The following MKLN1 variants were observed in gnomAD, a reference collection of about 807,000 sequenced individuals.
MKLN1 encodes muskelin.
In MKLN1, 18 loss-of-function variants were observed where a neutral mutation model predicts 99.0. The ratio of observed to expected loss-of-function variants is 0.18; its 90% confidence interval spans 0.13 to 0.27. The LOEUF is 0.27. Ranked by LOEUF, MKLN1 falls within the 10% of genes least tolerant of loss-of-function variation. The pLI is 1.00. For missense variants in MKLN1, 621 were observed against 875.9 expected (o/e 0.71, Z 3.67); for synonymous variants, 288 against 293.2 (o/e 0.98, Z 0.18).
chr7:131,128,194 C>T (rs569137283), intron 1 of MKLN1, among the ~76,000 whole-genome samples: 10 of 145,020 alleles, frequency 6.9e-5, no homozygotes, highest in East Asian at 4.0e-4. Flanking sequence ...ACCGAAGTAT[C>T]GCCTCTGATT....
At chr7:131,283,432 C>CTT (rs755106012) in intron 3 of MKLN1, among the ~76,000 whole-genome samples, 3 of 123,210 alleles carry the variant, frequency 2.4e-5, no homozygotes, top group Non-Finnish European at 3.5e-5. Context: ...TCTTTCTTCT[C>CTT]TTTTTTTTTT....
intron 1 of MKLN1, among the ~76,000 whole-genome samples, chr7:131,331,165 T>C (rs968167434): frequency 6.6e-5 from 10 of 152,194 alleles, no homozygotes; most frequent in Non-Finnish European, 5.9e-5. Flanking sequence ...TCTTGGTACA[T>C]ACCTGTAAGA....
Position 131,252,198 on chromosome 7 carries a change from A to G in MKLN1, c.-179+49224A>G, listed in dbSNP as rs144507746. On this transcript the variant is annotated intron_variant, in intron 3 of 7. Transcript: ENST00000416992. ...GCCCGGACAGATACCTCACAGATGC[A>G]TGGTGTCCACCACGAAGAACAGTAG... Among the ~76,000 whole-genome samples the G allele has an allele frequency of 1.4e-4, 21 of 152,308 alleles. 1 individual carries two copies. Among genetic ancestry groups the G allele is most frequent in the African/African-American group, 5.1e-4 (21 of 41,568 alleles).
At chr7:131,285,957 C>CCTTTTTTT (rs397950661) in intron 3 of MKLN1, among the ~76,000 whole-genome samples, 3 of 117,770 alleles carry the variant, frequency 2.5e-5, no homozygotes, top group African/African-American at 3.1e-5. Context: ...CATCTATGGA[C>CCTTTTTTT]TTTTTTTTTT....
chr7:131,205,312 T>A (rs1027699559), intron 3 of MKLN1, among the ~76,000 whole-genome samples: 1 of 152,174 alleles, frequency 6.6e-6, no homozygotes. Context: ...ATCACAACAT[T>A]GGGAAATAAT....
intron 16 of MKLN1, among the ~76,000 whole-genome samples, chr7:131,473,132 T>C (rs897050098): frequency 6.6e-6 from 1 of 152,098 alleles, no homozygotes; most frequent in African/African-American, 2.4e-5. Flanking sequence ...TATCCAACAG[T>C]CTGTTTGGGG....
chr7:131,450,343 A>C (rs1212249126), intron 12 of MKLN1, among the ~76,000 whole-genome samples: 3 of 152,248 alleles, frequency 2.0e-5, no homozygotes, highest in African/African-American at 7.2e-5. Flanking sequence ...CCCTATCTTC[A>C]TGGAGTTATG....
intron 16 of MKLN1, 27 bp from the exon 17 acceptor site, chr7:131,478,596 T>A: frequency 2.5e-6 from 1 of 396,004 alleles, no homozygotes; most frequent in East Asian, 7.5e-5. Context: ...TTGCTGCTTC[T>A]TTTTTTTTTT....
intron 8 of MKLN1, among the ~76,000 whole-genome samples, chr7:131,417,268 T>C (rs1479063704): frequency 6.6e-6 from 1 of 152,188 alleles, no homozygotes; most frequent in Non-Finnish European, 1.5e-5. Context: ...TTTAAGCAAA[T>C]ATTTCTACCA....
chr7:131,243,015 G>T, intron 3 of MKLN1: 2 of 577,180 alleles, frequency 3.5e-6, no homozygotes, highest in South Asian at 3.0e-5. Context: ...GCTTCGTTTT[G>T]GTCATTAAAA....
At chr7:131,115,520 A>T (rs574612559) in intron 1 of MKLN1, among the ~76,000 whole-genome samples, 1 of 152,182 alleles carries the variant, frequency 6.6e-6, no homozygotes, top group Non-Finnish European at 1.5e-5. Flanking sequence ...TTCATAAATC[A>T]TAAGTCTTAA....
chr7:131,190,227 G>A (rs778437225), intron 2 of MKLN1, among the ~76,000 whole-genome samples: 65 of 152,160 alleles, frequency 4.3e-4, no homozygotes, highest in Admixed American at 6.5e-4. Context: ...CCACATCCAG[G>A]TGGATGGAGC....
chr7:131,387,152 A>C lies in MKLN1; in HGVS notation c.201A>C (p.Ile67=). The change falls in exon 3 of 18, where the codon ATA becomes ATC. Residue 67 remains isoleucine (I), a synonymous_variant. Coordinates refer to ENST00000352689, the MANE Select transcript of MKLN1 (RefSeq NM_013255.5). The part of the protein sequence containing the change: ...YLILKLERPA[I]VQNITFGKYE... ...TTCTAAAGCTCGAAAGGCCTGCTATAGTTCAGAATATCACATTTGGAAAAT... is the reference window on the plus strand; with the variant it reads ...TTCTAAAGCTCGAAAGGCCTGCTATCGTTCAGAATATCACATTTGGAAAAT... The C allele has an allele frequency of 6.2e-7, 1 of 1,611,202 alleles. No homozygotes were observed. The highest frequency in any genetic ancestry group is 8.5e-7 in the Non-Finnish European group (1 of 1,178,912).
chr7:131,149,164 C>T (rs1187625042), intron 2 of MKLN1, among the ~76,000 whole-genome samples: 1 of 152,086 alleles, frequency 6.6e-6, no homozygotes, highest in African/African-American at 2.4e-5. Context: ...AACTGATTAT[C>T]TTGGCCTTTG....
intron 1 of MKLN1, among the ~76,000 whole-genome samples, chr7:131,344,556 G>C (rs529265807): frequency 6.6e-5 from 10 of 152,040 alleles, no homozygotes. Context: ...CCTTCCACTG[G>C]GTATGCGGGC....
chr7:131,266,816 T>C (rs181676425), intron 3 of MKLN1, among the ~76,000 whole-genome samples: 1 of 151,994 alleles, frequency 6.6e-6, no homozygotes, highest in African/African-American at 2.4e-5. Context: ...AAGTACCAGG[T>C]CTGCAAGTTT....
intron 2 of MKLN1, among the ~76,000 whole-genome samples, chr7:131,199,600 A>G (rs1313785198): frequency 9.9e-5 from 15 of 152,226 alleles, no homozygotes; most frequent in Non-Finnish European, 8.8e-5. Context: ...GTGAAGGTGG[A>G]TGCTACTGAG....
At chr7:131,206,765 C>A (rs974352359) in intron 3 of MKLN1, among the ~76,000 whole-genome samples, 2 of 151,830 alleles carry the variant, frequency 1.3e-5, no homozygotes, top group Admixed American at 6.6e-5. Flanking sequence ...TATGTTTTCC[C>A]GGCTGGTCTC....
intron 3 of MKLN1, among the ~76,000 whole-genome samples, chr7:131,298,509 C>T (rs1798328372): frequency 6.6e-6 from 1 of 152,166 alleles, no homozygotes; most frequent in Non-Finnish European, 1.5e-5. Flanking sequence ...TTCCATTAGT[C>T]ATTTCACAGC....
Sources: gnomAD v4.1 joint callset for allele counts (sites outside exome capture counted in the v4.1 genomes callset) on GRCh38, gnomAD v4.1.1 for gene constraint, MANE v1.5 for transcripts, NCBI Gene and HGNC (gene_info 2026-07-23, HGNC 2026-07-21) for gene names.